LRRTM4: variants seen among roughly 807,000 people sequenced by gnomAD.
The protein encoded by LRRTM4 is leucine-rich repeat transmembrane neuronal protein 4.
LRRTM4 carries 25 observed loss-of-function variants against 47.6 expected under a neutral mutation model. The ratio of observed to expected loss-of-function variants is 0.53; its 90% CI spans 0.38 to 0.73. The LOEUF is 0.73. LRRTM4 is among the 30% of genes least tolerant of loss of function. LRRTM4 has a pLI of 0.00. For missense variants in LRRTM4, 638 were observed against 713.4 expected, an observed-to-expected ratio of 0.89 and a Z score of 1.20; for synonymous variants, 311 against 269.5, an observed-to-expected ratio of 1.15 and a Z score of -1.51.
intron 3 of LRRTM4, among the ~76,000 whole-genome samples, chr2:77,402,468 C>G (rs1674000074): frequency 1.3e-5 from 2 of 151,906 alleles, no homozygotes; most frequent in African/African-American, 4.8e-5. Context: ...TTCTTATCTT[C>G]CTAAACCAAC....
chr2:76,959,407 A>G (rs1012079152), intron 3 of LRRTM4, among the ~76,000 whole-genome samples: 1 of 151,614 alleles, frequency 6.6e-6, no homozygotes, highest in Admixed American at 6.6e-5. Context: ...TAAGACTGAT[A>G]TCTAATAACT....
At chr2:77,313,746 GCCT>G (rs1677540254) in intron 3 of LRRTM4, among the ~76,000 whole-genome samples, 1 of 152,010 alleles carries the variant, frequency 6.6e-6, no homozygotes, top group Non-Finnish European at 1.5e-5. Flanking sequence ...TCTTCCTGAA[GCCT>G]AACTCTGAAA....
intron 3 of LRRTM4, among the ~76,000 whole-genome samples, chr2:76,781,299 C>A (rs902723846): frequency 6.6e-6 from 1 of 152,216 alleles, no homozygotes; most frequent in South Asian, 2.1e-4. Flanking sequence ...AGCTTCCTGG[C>A]TGCTTTGTTT....
At chr2:77,099,738 A>G (rs1187271699) in intron 3 of LRRTM4, among the ~76,000 whole-genome samples, 1 of 151,974 alleles carries the variant, frequency 6.6e-6, no homozygotes, top group Non-Finnish European at 1.5e-5. Flanking sequence ...AAGCTGAAGA[A>G]ACAATTGTTT....
chr2:77,107,833 A>G (rs952825586), intron 3 of LRRTM4, among the ~76,000 whole-genome samples: 6 of 151,486 alleles, frequency 4.0e-5, no homozygotes, highest in South Asian at 2.1e-4. Flanking sequence ...AAAAAAAAAA[A>G]AAAGAAAGAA....
At chr2:77,092,575 T>C (rs1434673861) in intron 3 of LRRTM4, among the ~76,000 whole-genome samples, 2 of 126,420 alleles carry the variant, frequency 1.6e-5, no homozygotes, top group Admixed American at 7.8e-5. Context: ...GCTCGAGGAT[T>C]TGCCCCCACC....
At chr2:76,932,189 A>C (rs998135640) in intron 3 of LRRTM4, among the ~76,000 whole-genome samples, 10 of 152,106 alleles carry the variant, frequency 6.6e-5, no homozygotes, top group African/African-American at 2.4e-4. Context: ...TCACCTCCTT[A>C]GTAGCTAGAC....
chr2:77,494,476 G>A (rs1458442357), intron 3 of LRRTM4, among the ~76,000 whole-genome samples: 2 of 151,802 alleles, frequency 1.3e-5, no homozygotes, highest in Non-Finnish European at 2.9e-5. Context: ...ACTTCTCCTA[G>A]GCATTCCAGA....
intron 3 of LRRTM4, among the ~76,000 whole-genome samples, chr2:76,905,201 C>T (rs143329391): frequency 0.085 from 12,884 of 152,188 alleles, 904 homozygotes; most frequent in East Asian, 0.37. Flanking sequence ...CGAAAAACCA[C>T]TGTTCTGCAG....
intron 3 of LRRTM4, among the ~76,000 whole-genome samples, chr2:76,949,805 A>G (rs1003975353): frequency 6.6e-6 from 1 of 151,978 alleles, no homozygotes; most frequent in African/African-American, 2.4e-5. Context: ...AAATATTTTG[A>G]TGATGACATT....
At chr2:77,375,336 A>T (rs1165398201) in intron 3 of LRRTM4, among the ~76,000 whole-genome samples, 2 of 151,068 alleles carry the variant, frequency 1.3e-5, no homozygotes, top group Non-Finnish European at 2.9e-5. Context: ...GATTTGGGAC[A>T]TATGCACCAT....
chr2:76,889,254 G>A (rs1185929565), intron 3 of LRRTM4, among the ~76,000 whole-genome samples: 1 of 151,844 alleles, frequency 6.6e-6, no homozygotes, highest in African/African-American at 2.4e-5. Flanking sequence ...TTTTATTTTA[G>A]TTTTGAAAAT....
intron 3 of LRRTM4, among the ~76,000 whole-genome samples, chr2:77,276,677 T>G: frequency 1.1e-5 from 1 of 88,284 alleles, no homozygotes; most frequent in Admixed American, 1.5e-4. Context: ...GTATATAAAT[T>G]TGTGTACGCA....
At chr2:76,921,913 G>T (rs527660361) in intron 3 of LRRTM4, among the ~76,000 whole-genome samples, 1 of 152,104 alleles carries the variant, frequency 6.6e-6, no homozygotes, top group South Asian at 2.1e-4. Flanking sequence ...TATATCCAAG[G>T]AAATAAAATC....
chr2:77,118,376 T>C (rs1572979767), intron 3 of LRRTM4, among the ~76,000 whole-genome samples: 1 of 151,922 alleles, frequency 6.6e-6, no homozygotes, highest in African/African-American at 2.4e-5. Flanking sequence ...AATGATATAC[T>C]CATTATTAGC....
chr2:76,755,487 A>G lies in LRRTM4; in HGVS notation c.1552-6571T>C, dbSNP rs191455467. ...TTTTCGTGTTTCTTTTTTCATCACC[A>G]AACCAAAACTCTTAGAAACTTCTGC... On this transcript the variant is annotated intron_variant, in intron 3 of 3. Transcript: ENST00000409884. Among the ~76,000 whole-genome samples, 326 of 152,300 alleles carry G rather than the reference A, an allele frequency of 2.1e-3. 2 individuals are homozygous for G. The highest frequency in any genetic ancestry group is 7.4e-3 in the African/African-American group (308 of 41,572).
intron 3 of LRRTM4, among the ~76,000 whole-genome samples, chr2:76,937,235 T>TA (rs1303219497): frequency 4.6e-5 from 7 of 152,226 alleles, no homozygotes; most frequent in African/African-American, 1.7e-4. Context: ...GCTTTAGCCA[T>TA]AAGTAGGAGG....
intron 3 of LRRTM4, among the ~76,000 whole-genome samples, chr2:77,475,597 C>T (rs968009644): frequency 6.6e-6 from 1 of 151,942 alleles, no homozygotes; most frequent in African/African-American, 2.4e-5. Flanking sequence ...TACTCAGATA[C>T]ACTTTTTAGA....
At chr2:77,208,558 T>C (rs1674205549) in intron 3 of LRRTM4, among the ~76,000 whole-genome samples, 1 of 152,022 alleles carries the variant, frequency 6.6e-6, no homozygotes, top group African/African-American at 2.4e-5. Flanking sequence ...GGAGTTGGGG[T>C]GTCACACATA....
Sources: gnomAD v4.1 joint callset for allele counts (sites outside exome capture counted in the v4.1 genomes callset) on GRCh38, gnomAD v4.1.1 for gene constraint, MANE v1.5 for transcripts, NCBI Gene and HGNC (gene_info 2026-07-23, HGNC 2026-07-21) for gene names.